DSCAM: variants seen among roughly 807,000 people sequenced by gnomAD.
DSCAM encodes the protein cell adhesion molecule DSCAM.
A neutral mutation model predicts 217.7 loss-of-function variants in DSCAM; 47 were observed. That is an observed-to-expected ratio of 0.22 (90% CI 0.17 to 0.28). The LOEUF (loss-of-function observed/expected upper bound fraction) is 0.28, where lower values mean the gene tolerates loss of function less well. DSCAM is among the 10% of genes least tolerant of loss of function. The pLI is 1.00. For missense variants in DSCAM, 2,080 were observed against 2,618.3 expected, an observed-to-expected ratio of 0.79 and a Z score of 4.49; for synonymous variants, 1,056 against 1,015.3, an observed-to-expected ratio of 1.04 and a Z score of -0.76.
rs755545178 is a variant in DSCAM at position 40,044,176 on chromosome 21, T to C, written c.5285A>G (p.His1762Arg). The change falls in exon 31 of 33, where the codon CAC becomes CGC. Residue 1762 changes from histidine (H) to arginine (R), a missense_variant. This residue lies in a region of DSCAM where 1,144 missense variants were observed against 1,421.1 expected (regional missense o/e 0.81). Coordinates refer to ENST00000400454, the MANE Select transcript of DSCAM (RefSeq NM_001389.5). ...CAGCCTCCAGTCTGTGGTGAGGGTG[T>C]GTGCTGAGATGGTGGGGTGGGGTCG... ...LNRPHPTISA[H>R]TLTTDWRLPT... The C allele has an allele frequency of 6.2e-7, 1 of 1,614,118 alleles. No homozygotes were observed. The highest frequency in any genetic ancestry group is 8.5e-7 in the Non-Finnish European group (1 of 1,180,012).
intron 11 of DSCAM, among the ~76,000 whole-genome samples, chr21:40,240,366 T>TTTTTTTTTTC (rs2073135182): frequency 6.8e-6 from 1 of 147,498 alleles, no homozygotes; most frequent in African/African-American, 2.5e-5. Flanking sequence ...TTTTTTTTTT[T>TTTTTTTTTTC]TTTTTTTGCC....
chr21:40,644,500 T>C (rs1266438825), intron 3 of DSCAM, among the ~76,000 whole-genome samples: 3 of 152,170 alleles, frequency 2.0e-5, no homozygotes, highest in Non-Finnish European at 4.4e-5. Flanking sequence ...GGCAAAACAG[T>C]AGTTTCCACC....
At chr21:40,754,345 CAGA>C (rs762160401) in intron 1 of DSCAM, among the ~76,000 whole-genome samples, 29 of 152,164 alleles carry the variant, frequency 1.9e-4, no homozygotes, top group African/African-American at 4.1e-4. Flanking sequence ...CAGAATCCCC[CAGA>C]AGGAGACTCT....
chr21:40,132,454 T>C (rs1459188801), intron 19 of DSCAM, among the ~76,000 whole-genome samples: 1 of 152,234 alleles, frequency 6.6e-6, no homozygotes, highest in Non-Finnish European at 1.5e-5. Context: ...ATGTGTGACT[T>C]CCTAATGGCA....
rs200153335 is a variant in DSCAM, at chr21:40,369,322, GT to G, written c.509-78del. The G allele has an allele frequency of 1.4e-3, 1,844 of 1,338,958 alleles. 2 individuals carry two copies. The highest frequency in any genetic ancestry group is 2.4e-3 in the Admixed American group (93 of 38,380). The allele number at this position is 1,338,958 out of a possible 1,614,324, so 82.9% of individuals were successfully genotyped here. A position where few individuals can be genotyped will look rare whatever the true frequency, so the allele number is the denominator to read the frequency against. ...ACCACACAGACAAAGTCCTTAAACA[GT>G]TTTTTTTTTCCCCCACCTGAAGAAA... On this transcript the variant is annotated intron_variant, in intron 3 of 32. Coordinates refer to ENST00000400454, the MANE Select transcript of DSCAM (RefSeq NM_001389.5).
Position 40,339,380 on chromosome 21 carries a change from T to C in DSCAM, c.1246A>G (p.Lys416Glu), listed in dbSNP as rs767399001. 1 of 1,611,076 alleles carries C rather than the reference T, an allele frequency of 6.2e-7. No individual in the cohort carries two copies. Among genetic ancestry groups the C allele is most frequent in the Non-Finnish European group, 8.5e-7 (1 of 1,178,352 alleles). ...ACCGGCTCTGCTGGACTCACCACCT[T>C]TTCACTAAAGGCAGAAATAATTTTG... is the stretch of plus-strand genomic sequence containing the variant. Reference protein sequence around the residue: ...TPKIISAFSEKVVSPAEPVSL... With the variant: ...TPKIISAFSEEVVSPAEPVSL... Residue 416 changes from lysine to glutamate, a missense_variant, in exon 7 of 33, where the codon AAG becomes GAG. Around this residue, in one of 5 missense-constraint regions of DSCAM, gnomAD observed 568 missense variants for 678.1 expected, o/e 0.84. Coordinates refer to ENST00000400454, the MANE Select transcript of DSCAM (RefSeq NM_001389.5).
At chr21:40,083,800 G>A in intron 24 of DSCAM, 108 bp downstream of exon 24, 1 of 712,774 alleles carries the variant, frequency 1.4e-6, no homozygotes, top group South Asian at 2.3e-5. Flanking sequence ...ACGTATTTTT[G>A]GGGGAGAATA....
chr21:40,427,136 G>A (rs2075482146), intron 3 of DSCAM, among the ~76,000 whole-genome samples: 1 of 152,208 alleles, frequency 6.6e-6, no homozygotes, highest in African/African-American at 2.4e-5. Flanking sequence ...GCATACAGGA[G>A]AGGGGCCTAG....
At chr21:40,441,808 C>CT (rs1197130810) in intron 3 of DSCAM, among the ~76,000 whole-genome samples, 3 of 152,166 alleles carry the variant, frequency 2.0e-5, no homozygotes, top group African/African-American at 7.2e-5. Context: ...GACCAATGCC[C>CT]TCTGCTCAGG....
intron 3 of DSCAM, among the ~76,000 whole-genome samples, chr21:40,585,339 G>A (rs2076937467): frequency 1.9e-5 from 1 of 52,442 alleles, no homozygotes; most frequent in Admixed American, 2.6e-4. Flanking sequence ...AATGCTGCGT[G>A]AACCCGGGAG....
At chr21:40,220,101 G>A (rs1242642992) in intron 11 of DSCAM, among the ~76,000 whole-genome samples, 1 of 152,122 alleles carries the variant, frequency 6.6e-6, no homozygotes, top group Non-Finnish European at 1.5e-5. Flanking sequence ...ACTGTGTTAT[G>A]GGAGCCTTAG....
intron 16 of DSCAM, among the ~76,000 whole-genome samples, chr21:40,152,325 A>T (rs1278553709): frequency 6.6e-6 from 1 of 152,184 alleles, no homozygotes; most frequent in Admixed American, 6.5e-5. Context: ...ATCCCCTTGA[A>T]CGCAGTGCAA....
chr21:40,622,721 A>C (rs2089537906), intron 3 of DSCAM, among the ~76,000 whole-genome samples: 1 of 152,288 alleles, frequency 6.6e-6, no homozygotes, highest in African/African-American at 2.4e-5. Flanking sequence ...ACTTGACCAC[A>C]GTCAGCACTT....
intron 32 of DSCAM, among the ~76,000 whole-genome samples, chr21:40,017,818 T>C (rs988911583): frequency 2.0e-5 from 3 of 152,184 alleles, no homozygotes; most frequent in South Asian, 2.1e-4. Context: ...TCCCAAAGTG[T>C]TGGGATTACA....
intron 32 of DSCAM, among the ~76,000 whole-genome samples, chr21:40,014,193 C>T (rs942026204): frequency 3.9e-5 from 6 of 152,166 alleles, no homozygotes; most frequent in Non-Finnish European, 5.9e-5. Context: ...GAGTTCAAGA[C>T]CAGCCAGGCC....
At chr21:40,707,883 G>A (rs1279459367) in intron 2 of DSCAM, among the ~76,000 whole-genome samples, 2 of 152,108 alleles carry the variant, frequency 1.3e-5, no homozygotes, top group Admixed American at 6.5e-5. Context: ...GACACAATAT[G>A]TTGTTAAAAG....
At position 40,708,686 on chromosome 21, in the gene DSCAM, C is replaced by G. The variant is rs1469397645; in HGVS notation, c.129G>C (p.Leu43=). The G allele has an allele frequency of 6.2e-7, 1 of 1,612,488 alleles. No individual in the cohort carries two copies. Among genetic ancestry groups the G allele is most frequent in the South Asian group, 1.1e-5 (1 of 90,454 alleles). ...EVVFASTTGT[L]VPCPAAGIPP... ...GGATGCCTGCTGCGGGGCAGGGCAC[C>G]AGAGTCCCCGTGGTGCTGGCAAACA... The change falls in exon 2 of 33, where the codon CTG becomes CTC. Residue 43 remains leucine (L), a synonymous_variant. Transcript: ENST00000400454.
In DSCAM at chr21:40,416,761, GTAT is replaced by G. The variant is rs1226848424; in HGVS notation, c.509-47519_509-47517del. ...TTCATGAATGATATGTCTAGGAGAG[GTAT>G]TATACTACTCTCTAGTGGTTGGATT... is the stretch of plus-strand genomic sequence containing the variant. On this transcript the variant is annotated intron_variant, in intron 3 of 32. Coordinates refer to ENST00000400454, the MANE Select transcript of DSCAM (RefSeq NM_001389.5). Among the ~76,000 whole-genome samples, 205 of 152,136 alleles carry G rather than the reference GTAT, an allele frequency of 1.3e-3. 2 individuals are homozygous for G. The highest frequency in any genetic ancestry group is 2.4e-4 in the Non-Finnish European group (16 of 68,004).
At chr21:40,706,041 T>A (rs186807186) in intron 2 of DSCAM, among the ~76,000 whole-genome samples, 155 of 150,506 alleles carry the variant, frequency 1.0e-3, no homozygotes, top group African/African-American at 3.6e-3. Context: ...GTTAGCTGGG[T>A]GTGGTGGCGG....
Sources: allele counts gnomAD v4.1 joint callset (sites outside exome capture counted in the v4.1 genomes callset), GRCh38; gene constraint gnomAD v4.1.1; regional missense constraint gnomAD v4.1.1; transcripts MANE v1.5; gene names NCBI Gene and HGNC (gene_info 2026-07-23, HGNC 2026-07-21).